Variants in ARL4C observed in about 807,000 individuals in gnomAD.
ARL4C encodes ARF like GTPase 4C.
Under a neutral mutation model 12.8 loss-of-function variants are expected in ARL4C, and 5 were observed. The ratio of observed to expected loss-of-function variants is 0.39; its 90% CI spans 0.20 to 0.82. The LOEUF (loss-of-function observed/expected upper bound fraction) is 0.82. ARL4C is among the 40% of genes least tolerant of loss of function. The pLI is 0.39. For synonymous variants in ARL4C, 119 were observed against 119.4 expected, an observed-to-expected ratio of 1.00 and a Z score of 0.02; for missense variants, 148 against 265.2, an observed-to-expected ratio of 0.56 and a Z score of 3.07.
In ARL4C at chr2:234,493,633, C is replaced by A. The variant is rs1691734664; in HGVS notation, c.*2173G>T. The A allele has an allele frequency of 6.5e-6, 1 of 152,688 alleles. No homozygotes were observed. Among genetic ancestry groups the A allele is most frequent in the Non-Finnish European group, 1.5e-5 (1 of 68,026 alleles). The allele number at this position is 152,688 out of a possible 1,614,324, so 9.5% of individuals were successfully genotyped here. On this transcript the variant is annotated 3_prime_UTR_variant, in exon 2 of 2. Coordinates refer to ENST00000339728, the MANE Select transcript of ARL4C (RefSeq NM_001282431.2). The stretch of plus-strand genomic sequence containing the variant: ...TGATCTTGAACCTAAGTATTGTTAT[C>A]ATGAGAAGGTTACAGTATTTGGCAT...
intron 1 of ARL4C, 75 bp downstream of exon 1, chr2:234,495,937 C>T (rs1691776064): frequency 6.2e-7 from 1 of 1,609,322 alleles, no homozygotes; most frequent in Non-Finnish European, 8.5e-7. Flanking sequence ...TCCATCCATC[C>T]ATCCAACCAT....
At position 234,494,963 on chromosome 2, in the gene ARL4C, CAT is replaced by C. The variant is rs1691757086; in HGVS notation, c.*841_*842del. 6.8e-6 allele frequency: 1 copy of C among 147,062 alleles called. No homozygotes were observed. Among genetic ancestry groups the C allele is most frequent in the Non-Finnish European group, 1.5e-5 (1 of 67,444 alleles). 9.1% of individuals were successfully genotyped at this position (147,062 alleles called of 1,614,324 possible). On this transcript the variant is annotated 3_prime_UTR_variant, in exon 2 of 2. Transcript: ENST00000339728. ...GGCTAAGAGAATTTAAAATTCCATA[CAT>C]ATGAGTCTAGGTATTAATGCCGATT...
Position 234,496,775 on chromosome 2 carries a change from C to T in ARL4C, c.-189G>A, listed in dbSNP as rs1456835413. The T allele has an allele frequency of 6.4e-6, 1 of 156,444 alleles. No individual in the cohort carries two copies. The highest frequency in any genetic ancestry group is 1.4e-5 in the Non-Finnish European group (1 of 74,004). The allele number at this position is 156,444 out of a possible 1,614,324, so 9.7% of individuals were successfully genotyped here. A position where few individuals can be genotyped will look rare whatever the true frequency, so the allele number is the denominator to read the frequency against. ...GACGCCGCAGTCCCCGCGCCCTCGCCGGCCGGGCTCGCGATCGGCGGGCAT... is the reference window on the plus strand; with the variant it reads ...GACGCCGCAGTCCCCGCGCCCTCGCTGGCCGGGCTCGCGATCGGCGGGCAT... On this transcript the variant is annotated 5_prime_UTR_variant, in exon 1 of 2. Coordinates refer to ENST00000339728, the MANE Select transcript of ARL4C (RefSeq NM_001282431.2).
Position 234,495,697 on chromosome 2 carries a change from G to T in ARL4C, c.*109C>A. 7.1e-7 allele frequency: 1 copy of T among 1,400,492 alleles called. No homozygotes were observed. The highest frequency in any genetic ancestry group is 1.4e-5 in the African/African-American group (1 of 71,126). 86.8% of individuals were successfully genotyped at this position (1,400,492 alleles called of 1,614,324 possible). The stretch of plus-strand genomic sequence containing the variant: ...GCTGGGAGGGCGGACAGCAGGACCG[G>T]CTCTTCCACTCCCCACCGCGGCCCC... On this transcript the variant is annotated 3_prime_UTR_variant, in exon 2 of 2. Coordinates refer to ENST00000339728, the MANE Select transcript of ARL4C (RefSeq NM_001282431.2).
Position 234,494,317 on chromosome 2 carries a change from A to G in ARL4C, c.*1489T>C, listed in dbSNP as rs1388196858. ...AACCAAGACTCAGTCCTGATTATAA[A>G]GGATTTTTAAAATTACATTATTAAA... On this transcript the variant is annotated 3_prime_UTR_variant, in exon 2 of 2. Transcript: ENST00000339728. 1 of 152,676 alleles carries G rather than the reference A, an allele frequency of 6.5e-6. No individual in the cohort carries two copies. The highest frequency in any genetic ancestry group is 1.5e-5 in the Non-Finnish European group (1 of 68,040). 9.5% of individuals were successfully genotyped at this position (152,676 alleles called of 1,614,324 possible).
chr2:234,495,702 T>C lies in ARL4C; in HGVS notation c.*104A>G. The C allele has an allele frequency of 6.9e-7, 1 of 1,455,480 alleles. No individual in the cohort carries two copies. Among genetic ancestry groups the C allele is most frequent in the Non-Finnish European group, 9.5e-7 (1 of 1,051,338 alleles). 90.2% of individuals were successfully genotyped at this position (1,455,480 alleles called of 1,614,324 possible). ...GAGGGCGGACAGCAGGACCGGCTCT[T>C]CCACTCCCCACCGCGGCCCCCCGAC... On this transcript the variant is annotated 3_prime_UTR_variant, in exon 2 of 2. Transcript: ENST00000339728.
rs959898441 is a variant in ARL4C at position 234,493,097 on chromosome 2, G to A, written c.*2709C>T. On this transcript the variant is annotated 3_prime_UTR_variant, in exon 2 of 2. Coordinates refer to ENST00000339728, the MANE Select transcript of ARL4C (RefSeq NM_001282431.2). ...CAGCATCATATATGCATTATAAAAG[G>A]CTATGGAAACAAAAGAGAAGGATGA... 4 of 152,564 alleles carry A rather than the reference G, an allele frequency of 2.6e-5. No individual in the cohort carries two copies. Among genetic ancestry groups the A allele is most frequent in the Admixed American group, 1.3e-4 (2 of 15,272 alleles). The allele number at this position is 152,564 out of a possible 1,614,324, so 9.5% of individuals were successfully genotyped here.
rs1363245247 is a variant in ARL4C at position 234,494,167 on chromosome 2, A to G, written c.*1639T>C. ...GGCCTCCTTTGTAAAGAAATGTGTA[A>G]CAATGGGGGGAAAGTCATAATTCTA... On this transcript the variant is annotated 3_prime_UTR_variant, in exon 2 of 2. Transcript: ENST00000339728. The G allele has an allele frequency of 6.6e-6, 1 of 152,630 alleles. No individual in the cohort carries two copies. Among genetic ancestry groups the G allele is most frequent in the Non-Finnish European group, 1.5e-5 (1 of 68,044 alleles). The allele number at this position is 152,630 out of a possible 1,614,324, so 9.5% of individuals were successfully genotyped here.
chr2:234,496,196 G>T lies in ARL4C; in HGVS notation c.391C>A (p.Leu131Met), dbSNP rs766112552. ...TCTGCCACCGGCAGCGACTTGGGCA[G>T]GTCCTGCTTGTTGGCGATGACCAGC... ...PLLVIANKQD[L>M]PKSLPVAEIE... Residue 131 changes from leucine (L) to methionine (M), a missense_variant, in exon 1 of 2, where the codon CTG becomes ATG. By Grantham distance (15) the Leu-to-Met change is conservative. Transcript: ENST00000339728. The T allele has an allele frequency of 6.2e-7, 1 of 1,603,758 alleles. No individual in the cohort carries two copies. The highest frequency in any genetic ancestry group is 8.5e-7 in the Non-Finnish European group (1 of 1,175,070).
At position 234,495,683 on chromosome 2, in the gene ARL4C, G is replaced by A. The variant is rs115472090; in HGVS notation, c.*123C>T. 2.0e-3 allele frequency: 2,466 copies of A among 1,246,604 alleles called. 33 individuals carry two copies. The African/African-American group carries it at 0.032, about 16-fold the overall frequency. 77.2% of individuals were successfully genotyped at this position (1,246,604 alleles called of 1,614,324 possible). A position where few individuals can be genotyped will look rare whatever the true frequency, so the allele number is the denominator to read the frequency against. On this transcript the variant is annotated 3_prime_UTR_variant, in exon 2 of 2. Transcript: ENST00000339728. ...GCCTTCCACCTGGGGCTGGGAGGGC[G>A]GACAGCAGGACCGGCTCTTCCACTC...
intron 1 of ARL4C, 33 bp from the exon 2 acceptor site, chr2:234,495,869 A>C (rs925080704): frequency 1.2e-6 from 2 of 1,600,336 alleles, no homozygotes; most frequent in Non-Finnish European, 1.7e-6. Context: ...CGTTTTAAAA[A>C]TTCGAAGCAT....
At position 234,495,511 on chromosome 2, in the gene ARL4C, TGCCCCCCAAGGTGGGTAC is replaced by T. The variant is rs1559296160; in HGVS notation, c.*277_*294del. ...AGAGGTGGTCCCCCCAGAACCAACA[TGCCCCCCAAGGTGGGTAC>T]GCCCACGGTTCTGGGAAATGCATAC... On this transcript the variant is annotated 3_prime_UTR_variant, in exon 2 of 2. Transcript: ENST00000339728. The T allele has an allele frequency of 3.5e-6, 2 of 565,790 alleles. No homozygotes were observed. The highest frequency in any genetic ancestry group is 6.3e-6 in the Non-Finnish European group (2 of 315,796). The allele number at this position is 565,790 out of a possible 1,614,324, so 35.0% of individuals were successfully genotyped here.
chr2:234,495,756 A>T lies in ARL4C; in HGVS notation c.*50T>A, dbSNP rs758651582. 10 of 1,596,650 alleles carry T rather than the reference A, an allele frequency of 6.3e-6. No individual in the cohort carries two copies. In the Admixed American group the frequency reaches 1.7e-4, roughly 27 times the overall value. On this transcript the variant is annotated 3_prime_UTR_variant, in exon 2 of 2. Coordinates refer to ENST00000339728, the MANE Select transcript of ARL4C (RefSeq NM_001282431.2). ...GTCAGTAGCTCTGGCGTTCAGACAA[A>T]AGGTCCCCTGAGCTGGGGGTGGGGG...
chr2:234,496,034 A>G lies in ARL4C; in HGVS notation c.553T>C (p.Ser185Pro), dbSNP rs1263571055. ...TACCGCTTCTTCTTCTGCTTGAGGG[A>G]CTTCCTGCGTTTCAGGATCATCTCA... is the stretch of plus-strand genomic sequence containing the variant. ...LYEMILKRRK[S>P]LKQKKKRTGD... Residue 185 changes from serine (S) to proline (P), a missense_variant, in exon 1 of 2, where the codon TCC (serine) becomes CCC (proline). Around this residue, in one of 4 missense-constraint regions of ARL4C, gnomAD observed 28 missense variants for 24.3 expected, o/e 1.15. Coordinates refer to ENST00000339728, the MANE Select transcript of ARL4C (RefSeq NM_001282431.2). 1 of 1,605,102 alleles carries G rather than the reference A, an allele frequency of 6.2e-7. No homozygotes were observed. The highest frequency in any genetic ancestry group is 2.2e-5 in the East Asian group (1 of 44,728).
rs1397862149 is a variant in ARL4C at position 234,495,591 on chromosome 2, C to T, written c.*215G>A. On this transcript the variant is annotated 3_prime_UTR_variant, in exon 2 of 2. Transcript: ENST00000339728. ...CACAGGTGCGATCCCCCAGTGGAGG[C>T]GGGGCAGCCTGAACTTCTGGCCCTG... The T allele has an allele frequency of 7.9e-6, 5 of 635,016 alleles. No homozygotes were observed. The East Asian group carries it at 1.1e-4, about 14-fold the overall frequency. 39.3% of individuals were successfully genotyped at this position (635,016 alleles called of 1,614,324 possible). A position where few individuals can be genotyped will look rare whatever the true frequency, so the allele number is the denominator to read the frequency against.
chr2:234,496,299 C>G lies in ARL4C; in HGVS notation c.288G>C (p.Val96=). Residue 96 remains valine, a synonymous_variant, in exon 1 of 2, where the codon GTG becomes GTC. Transcript: ENST00000339728. ...TGGCCTCCTCCAGCCGGTCCACGTC[C>G]ACCGAGTCCACCACGTAGATGATGC... is the stretch of plus-strand genomic sequence containing the variant. The part of the protein sequence containing the change: ...TDGIIYVVDS[V]DVDRLEEAKT... 1.9e-6 allele frequency: 3 copies of G among 1,611,082 alleles called. No homozygotes were observed. The highest frequency in any genetic ancestry group is 2.5e-6 in the Non-Finnish European group (3 of 1,178,634).
chr2:234,496,134 C>T lies in ARL4C; in HGVS notation c.453G>A (p.Pro151=), dbSNP rs768813307. Residue 151 remains proline (P), a synonymous_variant, in exon 1 of 2, where the codon CCG becomes CCA. Transcript: ENST00000339728. ...CCGGCTGGACGTGATAGGTGGTGGC[C>T]GGGATAAGCTCGTGCAGCGCCAGCT... is the stretch of plus-strand genomic sequence containing the variant. ...EKQLALHELI[P]ATTYHVQPAC... The T allele has an allele frequency of 1.9e-6, 3 of 1,613,736 alleles. No individual in the cohort carries two copies. The highest frequency in any genetic ancestry group is 2.5e-6 in the Non-Finnish European group (3 of 1,179,978).
Position 234,496,571 on chromosome 2 carries a change from A to C in ARL4C, c.16T>G (p.Ser6Ala). 1 of 1,575,852 alleles carries C rather than the reference A, an allele frequency of 6.3e-7. No homozygotes were observed. Among genetic ancestry groups the C allele is most frequent in the Non-Finnish European group, 8.6e-7 (1 of 1,160,740 alleles). Residue 6 changes from serine to alanine, a missense_variant, in exon 1 of 2, where the codon TCT becomes GCT. This residue lies in a region of ARL4C where 51 missense variants were observed against 127.9 expected (regional missense o/e 0.40). Transcript: ENST00000339728. MGNIS[S>A]NISAFQSLHI... is the part of the protein sequence containing the mutation. ...AGGGACTGGAAGGCCGAGATGTTAG[A>C]GGAGATGTTGCCCATGGCTCCTGGC...
In ARL4C at chr2:234,495,139, C is replaced by CTTTTTTTTTTTTTTT. The variant is rs11476419; in HGVS notation, c.*666_*667insAAAAAAAAAAAAAAA. The CTTTTTTTTTTTTTTT allele has an allele frequency of 1.4e-5, 2 of 139,274 alleles. No individual in the cohort carries two copies. Among genetic ancestry groups the CTTTTTTTTTTTTTTT allele is most frequent in the Non-Finnish European group, 1.6e-5 (1 of 62,744 alleles). The allele number at this position is 139,274 out of a possible 1,614,324, so 8.6% of individuals were successfully genotyped here. ...TTGGCCACCACCTCCAATAGTTCGT[C>CTTTTTTTTTTTTTTT]TTTTTTTTTTTTTATTTTTTTTATT... On this transcript the variant is annotated 3_prime_UTR_variant, in exon 2 of 2. Transcript: ENST00000339728.
Sources: allele counts gnomAD v4.1 joint callset, GRCh38; gene constraint gnomAD v4.1.1; regional missense constraint gnomAD v4.1.1; transcripts MANE v1.5; gene names NCBI Gene and HGNC (gene_info 2026-07-23, HGNC 2026-07-21).